The following VN1R2 variants were observed in gnomAD, a reference collection of about 807,000 sequenced individuals.
The protein encoded by VN1R2 is vomeronasal type-1 receptor 2.
For synonymous variants in VN1R2, 160 were observed against 173.1 expected (o/e 0.92, Z 0.59); for missense variants, 418 against 452.4 (o/e 0.92, Z 0.69).
rs146727661 is a variant in VN1R2, at chr19:53,259,425, C to T, written c.1050C>T (p.Asn350=). ...ATAATTCCAGTTGGTGGCTAGTGAA[C>T]ACTGCTGCACTAATCATTGCCTGTT... ...LFDNSSWWLV[N]TAALIIACFP... The change falls in exon 1 of 1, where the codon AAC becomes AAT. Residue 350 remains asparagine, a synonymous_variant. Coordinates refer to ENST00000341702, the MANE Select transcript of VN1R2 (RefSeq NM_173856.2). 154 of 1,614,092 alleles carry T rather than the reference C, an allele frequency of 9.5e-5. No homozygotes were observed. Among genetic ancestry groups the T allele is most frequent in the Admixed American group, 1.7e-4 (10 of 60,002 alleles).
Position 53,258,633 on chromosome 19 carries a change from A to T in VN1R2, c.258A>T (p.Lys86Asn). The T allele has an allele frequency of 6.2e-7, 1 of 1,608,932 alleles. No individual in the cohort carries two copies. The change falls in exon 1 of 1, where the codon AAA becomes AAT. Residue 86 changes from lysine (K) to asparagine (N), a missense_variant. Coordinates refer to ENST00000341702, the MANE Select transcript of VN1R2 (RefSeq NM_173856.2). ...CTGCACACGGAGAGAAACCCACCAA[A>T]CCTGTGGGGCTGGACCCTACACTAT... ...LVSAHGEKPT[K>N]PVGLDPTLFQ...
In VN1R2 at chr19:53,259,490, C is replaced by G; in HGVS notation, c.1115C>G (p.Pro372Arg). 6.2e-7 allele frequency: 1 copy of G among 1,614,126 alleles called. No individual in the cohort carries two copies. ...CCTTTTGTTCTCATGTGCCGTGACC[C>G]CAGCAGATCCAGGCTCTGCAGTATC... is the stretch of plus-strand genomic sequence containing the variant. ...ISPFVLMCRD[P>R]SRSRLCSICC... The change falls in exon 1 of 1, where the codon CCC becomes CGC. Residue 372 changes from proline to arginine, a missense_variant. Pro to Arg is a moderately radical substitution (Grantham distance 103). Transcript: ENST00000341702.
At position 53,258,899 on chromosome 19, in the gene VN1R2, T is replaced by C; in HGVS notation, c.524T>C (p.Val175Ala). The C allele has an allele frequency of 6.2e-7, 1 of 1,614,138 alleles. No homozygotes were observed. Among genetic ancestry groups the C allele is most frequent in the Non-Finnish European group, 8.5e-7 (1 of 1,180,022 alleles). Residue 175 changes from valine (V) to alanine (A), a missense_variant, in exon 1 of 1, where the codon GTG becomes GCG. Val to Ala is a moderately conservative substitution (Grantham distance 64). Coordinates refer to ENST00000341702, the MANE Select transcript of VN1R2 (RefSeq NM_173856.2). ...LLYAHRVGRG[V>A]SIGSTCLLSV... ...TATGCACACAGGGTAGGCAGGGGTG[T>C]GTCCATTGGAAGCACCTGCCTCTTG...
Position 53,259,584 on chromosome 19 carries a change from T to C in VN1R2, c.*21T>C, listed in dbSNP as rs146979601. ...TGTGAATTGGCTGTCTTGGTTTATG[T>C]TCGGCCACTGATGCACTCAGACCTC... On this transcript the variant is annotated 3_prime_UTR_variant, in exon 1 of 1. Coordinates refer to ENST00000341702, the MANE Select transcript of VN1R2 (RefSeq NM_173856.2). 3.1e-5 allele frequency: 49 copies of C among 1,593,068 alleles called. No homozygotes were observed. In the Middle Eastern group the frequency reaches 6.7e-4, roughly 22 times the overall value.
In VN1R2 at chr19:53,259,367, C is replaced by T. The variant is rs1198541395; in HGVS notation, c.992C>T (p.Ser331Phe). The T allele has an allele frequency of 6.2e-7, 1 of 1,614,208 alleles. No homozygotes were observed. Among genetic ancestry groups the T allele is most frequent in the African/African-American group, 1.3e-5 (1 of 75,044 alleles). Residue 331 changes from serine (S) to phenylalanine (F), a missense_variant, in exon 1 of 1, where the codon TCC becomes TTC. Physicochemically the swap from Ser to Phe is radical, Grantham distance 155 (BLOSUM62 -2). Transcript: ENST00000341702. ...VSTFALCYAL[S>F]FITYVYLALF... is the part of the protein sequence containing the mutation. ...ACCTTTGCATTATGTTACGCCCTTT[C>T]CTTCATCACCTACGTTTATTTAGCT...
chr19:53,258,972 A>G lies in VN1R2; in HGVS notation c.597A>G (p.Ala199=). 1 of 1,614,204 alleles carries G rather than the reference A, an allele frequency of 6.2e-7. No homozygotes were observed. The highest frequency in any genetic ancestry group is 8.5e-7 in the Non-Finnish European group (1 of 1,180,032). ...TCAACCCTAGGAACTCCAGGTGGGC[A>G]GAGATGAAAGTAAAAGCCCCGACAT... ...ITINPRNSRW[A]EMKVKAPTYI... Residue 199 remains alanine, a synonymous_variant, in exon 1 of 1, where the codon GCA becomes GCG. Coordinates refer to ENST00000341702, the MANE Select transcript of VN1R2 (RefSeq NM_173856.2).
At position 53,259,422 on chromosome 19, in the gene VN1R2, G is replaced by A. The variant is rs61734062; in HGVS notation, c.1047G>A (p.Val349=). 56,107 of 1,614,156 alleles carry A rather than the reference G, an allele frequency of 0.035. 1,195 individuals are homozygous for A. The highest frequency in any genetic ancestry group is 0.038 in the Non-Finnish European group (45,139 of 1,180,044). ...TCGATAATTCCAGTTGGTGGCTAGT[G>A]AACACTGCTGCACTAATCATTGCCT... ...ALFDNSSWWL[V]NTAALIIACF... Residue 349 remains valine (V), a synonymous_variant, in exon 1 of 1, where the codon GTG becomes GTA. Coordinates refer to ENST00000341702, the MANE Select transcript of VN1R2 (RefSeq NM_173856.2).
Position 53,258,305 on chromosome 19 carries a change from T to C in VN1R2, c.-71T>C, listed in dbSNP as rs565939505. On this transcript the variant is annotated 5_prime_UTR_variant, in exon 1 of 1. Coordinates refer to ENST00000341702, the MANE Select transcript of VN1R2 (RefSeq NM_173856.2). ...TCTCTCCCTCTCTCTCTCTCTGCCT[T>C]GGCTGCCAGGCAGGGAAGGGCCCCC... The C allele has an allele frequency of 8.2e-4, 498 of 610,364 alleles. 5 individuals carry two copies. In the African/African-American group the frequency reaches 8.5e-3, roughly 10 times the overall value. 37.8% of individuals were successfully genotyped at this position (610,364 alleles called of 1,614,324 possible).
rs1478052693 is a variant in VN1R2 at position 53,259,266 on chromosome 19, C to T, written c.891C>T (p.His297=). The T allele has an allele frequency of 8.1e-6, 13 of 1,614,206 alleles. No individual in the cohort carries two copies. The highest frequency in any genetic ancestry group is 2.7e-5 in the African/African-American group (2 of 75,056). Residue 297 remains histidine, a synonymous_variant, in exon 1 of 1, where the codon CAC becomes CAT. Transcript: ENST00000341702. ...VLYRHKQQVQ[H]ICRNNLYPNS... is the part of the protein sequence containing the mutation. ...ACAGGCACAAACAGCAGGTACAACA[C>T]ATCTGTAGGAACAATCTCTACCCCA...
chr19:53,259,106 G>A lies in VN1R2; in HGVS notation c.731G>A (p.Gly244Glu), dbSNP rs2091324928. The A allele has an allele frequency of 2.5e-6, 4 of 1,614,014 alleles. No individual in the cohort carries two copies. Among genetic ancestry groups the A allele is most frequent in the Non-Finnish European group, 3.4e-6 (4 of 1,180,038 alleles). Residue 244 changes from glycine to glutamate, a missense_variant, in exon 1 of 1, where the codon GGA becomes GAA. Physicochemically the swap from Gly to Glu is moderately conservative, Grantham distance 98. Transcript: ENST00000341702. ...KWSNNNITKK[G>E]DLGYCSAPLS... ...AGCAACAACAACATCACAAAGAAAG[G>A]AGATTTGGGATATTGTTCTGCCCCA...
chr19:53,258,522 C>G lies in VN1R2; in HGVS notation c.147C>G (p.Arg49=), dbSNP rs112910446. 5.6e-5 allele frequency: 82 copies of G among 1,476,686 alleles called. No individual in the cohort carries two copies. Among genetic ancestry groups the G allele is most frequent in the East Asian group, 3.9e-4 (16 of 40,558 alleles). The allele number at this position is 1,476,686 out of a possible 1,614,324, so 91.5% of individuals were successfully genotyped here. The change falls in exon 1 of 1, where the codon CGC becomes CGG. Residue 49 remains arginine (R), a synonymous_variant. Coordinates refer to ENST00000341702, the MANE Select transcript of VN1R2 (RefSeq NM_173856.2). ...SLAFGATTGL[R]VLVVVVPQTQ... ...CATTCGGGGCCACTACCGGTCTCCG[C>G]GTCTTGGTGGTAGTGGTCCCCCAGA... is the stretch of plus-strand genomic sequence containing the variant.
At position 53,258,958 on chromosome 19, in the gene VN1R2, A is replaced by G; in HGVS notation, c.583A>G (p.Asn195Asp). 6.2e-7 allele frequency: 1 copy of G among 1,614,104 alleles called. No homozygotes were observed. Among genetic ancestry groups the G allele is most frequent in the Non-Finnish European group, 8.5e-7 (1 of 1,180,020 alleles). ...CCAGGTGATCACCATCAACCCTAGG[A>G]ACTCCAGGTGGGCAGAGATGAAAGT... ...VFQVITINPRNSRWAEMKVKA... is the reference protein window; with the variant it reads ...VFQVITINPRDSRWAEMKVKA... The change falls in exon 1 of 1, where the codon AAC (asparagine) becomes GAC (aspartate). Residue 195 changes from asparagine (N) to aspartate (D), a missense_variant. Physicochemically the swap from Asn to Asp is conservative, Grantham distance 23 (BLOSUM62 1). Coordinates refer to ENST00000341702, the MANE Select transcript of VN1R2 (RefSeq NM_173856.2).
At position 53,258,992 on chromosome 19, in the gene VN1R2, C is replaced by T. The variant is rs778865222; in HGVS notation, c.617C>T (p.Pro206Leu). The change falls in exon 1 of 1, where the codon CCG (proline) becomes CTG (leucine). Residue 206 changes from proline to leucine, a missense_variant. Pro to Leu is a moderately conservative substitution (Grantham distance 98, BLOSUM62 -3). Coordinates refer to ENST00000341702, the MANE Select transcript of VN1R2 (RefSeq NM_173856.2). ...SRWAEMKVKA[P>L]TYIGLSNILC... is the part of the protein sequence containing the mutation. ...TGGGCAGAGATGAAAGTAAAAGCCC[C>T]GACATACATTGGTCTCTCCAATATC... 24 of 1,614,112 alleles carry T rather than the reference C, an allele frequency of 1.5e-5. No individual in the cohort carries two copies. The highest frequency in any genetic ancestry group is 1.1e-4 in the South Asian group (10 of 91,066).
chr19:53,258,900 G>C lies in VN1R2; in HGVS notation c.525G>C (p.Val175=). ...ATGCACACAGGGTAGGCAGGGGTGT[G>C]TCCATTGGAAGCACCTGCCTCTTGA... ...LLYAHRVGRG[V]SIGSTCLLSV... is the part of the protein sequence containing the mutation. Residue 175 remains valine (V), a synonymous_variant, in exon 1 of 1, where the codon GTG becomes GTC. Coordinates refer to ENST00000341702, the MANE Select transcript of VN1R2 (RefSeq NM_173856.2). The C allele has an allele frequency of 6.2e-7, 1 of 1,614,170 alleles. No homozygotes were observed.
chr19:53,258,980 A>C lies in VN1R2; in HGVS notation c.605A>C (p.Lys202Thr). 2 of 1,614,192 alleles carry C rather than the reference A, an allele frequency of 1.2e-6. No individual in the cohort carries two copies. Among genetic ancestry groups the C allele is most frequent in the Admixed American group, 1.7e-5 (1 of 60,012 alleles). ...AGGAACTCCAGGTGGGCAGAGATGA[A>C]AGTAAAAGCCCCGACATACATTGGT... ...NPRNSRWAEM[K>T]VKAPTYIGLS... is the part of the protein sequence containing the mutation. The change falls in exon 1 of 1, where the codon AAA becomes ACA. Residue 202 changes from lysine (K) to threonine (T), a missense_variant. Physicochemically the swap from Lys to Thr is moderately conservative, Grantham distance 78. Transcript: ENST00000341702.
chr19:53,259,306 A>C lies in VN1R2; in HGVS notation c.931A>C (p.Asn311His), dbSNP rs146904187. The C allele has an allele frequency of 9.9e-6, 16 of 1,614,188 alleles. No homozygotes were observed. The Middle Eastern group carries it at 9.9e-4, about 100-fold the overall frequency. ...NNLYPNSSPGNRAIQSILALV... is the reference protein window; with the variant it reads ...NNLYPNSSPGHRAIQSILALV... ...TCTCTACCCCAACTCTTCTCCTGGG[A>C]ACAGAGCCATCCAAAGCATCCTTGC... The change falls in exon 1 of 1, where the codon AAC becomes CAC. Residue 311 changes from asparagine (N) to histidine (H), a missense_variant. Coordinates refer to ENST00000341702, the MANE Select transcript of VN1R2 (RefSeq NM_173856.2).
At position 53,259,004 on chromosome 19, in the gene VN1R2, G is replaced by T. The variant is rs2091324595; in HGVS notation, c.629G>T (p.Gly210Val). Residue 210 changes from glycine to valine, a missense_variant, in exon 1 of 1, where the codon GGT (glycine) becomes GTT (valine). Physicochemically the swap from Gly to Val is moderately radical, Grantham distance 109 (BLOSUM62 -3). Transcript: ENST00000341702. Reference sequence around the variant, plus strand: ...AAAGTAAAAGCCCCGACATACATTGGTCTCTCCAATATCCTGTGCTGGGCC... The same window carrying T: ...AAAGTAAAAGCCCCGACATACATTGTTCTCTCCAATATCCTGTGCTGGGCC... ...EMKVKAPTYI[G>V]LSNILCWAFH... The T allele has an allele frequency of 6.2e-7, 1 of 1,614,102 alleles. No individual in the cohort carries two copies. The highest frequency in any genetic ancestry group is 8.5e-7 in the Non-Finnish European group (1 of 1,180,022).
Position 53,259,297 on chromosome 19 carries a change from TCTC to T in VN1R2, c.925_927del (p.Pro309del), listed in dbSNP as rs1568701190. The T allele has an allele frequency of 9.9e-6, 16 of 1,614,100 alleles. No homozygotes were observed. The highest frequency in any genetic ancestry group is 1.3e-5 in the African/African-American group (1 of 75,008). On this transcript the variant is annotated inframe_deletion, in exon 1 of 1. Transcript: ENST00000341702. ...TAGGAACAATCTCTACCCCAACTCT[TCTC>T]CTGGGAACAGAGCCATCCAAAGCAT...
At chr19:53,258,928 G>GTCTT, upstream of VN1R2, 1 of 1,614,180 alleles carries the variant, frequency 6.2e-7, no homozygotes, top group Non-Finnish European at 8.5e-7. Context: ...CCTCTTGAGT[G>GTCTT]TCTTCCAGGT....
Sources: allele counts gnomAD v4.1 joint callset, GRCh38; gene constraint gnomAD v4.1.1; transcripts MANE v1.5; gene names NCBI Gene and HGNC (gene_info 2026-07-23, HGNC 2026-07-21).